Variants in UBXN11 observed in about 807,000 individuals in gnomAD.
The protein encoded by UBXN11 is UBX domain-containing protein 11.
Under a neutral mutation model 62.8 loss-of-function variants are expected in UBXN11, and 47 were observed. The ratio of observed to expected loss-of-function variants is 0.75; its 90% CI spans 0.59 to 0.95. The LOEUF (loss-of-function observed/expected upper bound fraction) is 0.95. UBXN11 is among the 40% of genes least tolerant of loss of function. UBXN11 has a pLI of 0.00. For synonymous variants in UBXN11, 294 were observed against 267.0 expected, an observed-to-expected ratio of 1.10 and a Z score of -0.99; for missense variants, 638 against 661.7, an observed-to-expected ratio of 0.96 and a Z score of 0.39.
At position 26,297,227 on chromosome 1, in the gene UBXN11, C is replaced by G. The variant is rs374862897; in HGVS notation, c.355+200G>C. Among the ~76,000 whole-genome samples the G allele has an allele frequency of 4.6e-5, 7 of 152,288 alleles. No individual in the cohort carries two copies. The East Asian group carries it at 1.4e-3, about 29-fold the overall frequency. ...CTCCACACTTCAGATGGGACTCGGT[C>G]CCATGTAGGAGGGCATGGAGTGACT... On this transcript the variant is annotated intron_variant, in intron 6 of 14. Coordinates refer to ENST00000374222, the MANE Select transcript of UBXN11 (RefSeq NM_001389556.1).
In UBXN11 at chr1:26,294,374, C is replaced by A. The variant is rs199992442; in HGVS notation, c.433-43G>T. 115 of 1,604,252 alleles carry A rather than the reference C, an allele frequency of 7.2e-5. No individual in the cohort carries two copies. The African/African-American group carries it at 1.3e-3, about 19-fold the overall frequency. The stretch of plus-strand genomic sequence containing the variant: ...GAGATGCGGGGCACCGTCAGCTCAG[C>A]CCCTTCCCAGGGAAAGGCAGTGTCA... On this transcript the variant is annotated intron_variant, in intron 7 of 14. Transcript: ENST00000374222.
chr1:26,313,782 C>CTTT (rs56037016), intron 1 of UBXN11, among the ~76,000 whole-genome samples: 17,707 of 125,642 alleles, frequency 0.14, 1,345 homozygotes, highest in Non-Finnish European at 0.19. Context: ...AATTTTTTTT[C>CTTT]TTTTTTTTTT....
At chr1:26,311,273 C>T (rs767905709), upstream of UBXN11, among the ~76,000 whole-genome samples, 20 of 148,910 alleles carry the variant, frequency 1.3e-4, no homozygotes, top group Admixed American at 6.0e-4. Context: ...CGAGTAGCTG[C>T]GATTACAGGT....
At position 26,294,187 on chromosome 1, in the gene UBXN11, G is replaced by A. The variant is rs189255410; in HGVS notation, c.559+18C>T. 750 of 1,613,344 alleles carry A rather than the reference G, an allele frequency of 4.6e-4. 6 individuals are homozygous for A. The African/African-American group carries it at 7.4e-3, about 16-fold the overall frequency. ...GAATTCCTTTTGAAGAGGGCCTGGG[G>A]CAGACGCCCTGCTCTACCTGGCTTC... On this transcript the variant is annotated intron_variant, in intron 8 of 14. Transcript: ENST00000374222.
chr1:26,283,235 C>T (rs1371781865), intron 12 of UBXN11, among the ~76,000 whole-genome samples: 1 of 152,048 alleles, frequency 6.6e-6, no homozygotes, highest in Non-Finnish European at 1.5e-5. Flanking sequence ...GAAGGCTTCC[C>T]TCGGAAAATG....
At chr1:26,311,080 C>T (rs1429090844), upstream of UBXN11, among the ~76,000 whole-genome samples, 3 of 151,860 alleles carry the variant, frequency 2.0e-5, no homozygotes, top group Non-Finnish European at 4.4e-5. Flanking sequence ...CTGTTTCCCA[C>T]CTGCAGGGTG....
intron 8 of UBXN11, among the ~76,000 whole-genome samples, chr1:26,293,130 G>A (rs1557684169): frequency 6.6e-6 from 1 of 152,220 alleles, no homozygotes; most frequent in Non-Finnish European, 1.5e-5. Flanking sequence ...CAAGGCCAGA[G>A]CTAGGCGCTC....
chr1:26,292,054 A>C (rs1570101713), intron 8 of UBXN11, among the ~76,000 whole-genome samples: 1 of 151,854 alleles, frequency 6.6e-6, no homozygotes, highest in South Asian at 2.1e-4. Flanking sequence ...CACCATCCCC[A>C]CCCTCAAGCT....
chr1:26,302,839 G>A lies in UBXN11; in HGVS notation c.45C>T (p.Pro15=), dbSNP rs1321083924. 1.9e-6 allele frequency: 3 copies of A among 1,613,900 alleles called. No individual in the cohort carries two copies. The highest frequency in any genetic ancestry group is 1.7e-5 in the Admixed American group (1 of 60,006). The change falls in exon 2 of 15, where the codon CCC becomes CCT. Residue 15 remains proline, a synonymous_variant. Transcript: ENST00000374222. The part of the protein sequence containing the change: ...LASLSKTRKV[P]LPSEPMNPGR... The stretch of plus-strand genomic sequence containing the variant: ...CAGGATTCATAGGCTCCGAGGGCAG[G>A]GGCACTTTTCGGGTCTTGCTAAGGG...
Position 26,298,743 on chromosome 1 carries a change from C to T in UBXN11, c.200-681G>A, listed in dbSNP as rs940659955. ...AGTGAGCCAAGATCGCACCACTGCA[C>T]TCCAGCCTGGGTAACAGAGTGAGGG... On this transcript the variant is annotated intron_variant, in intron 4 of 14. Transcript: ENST00000374222. Among the ~76,000 whole-genome samples the T allele has an allele frequency of 2.1e-5, 3 of 144,480 alleles. No homozygotes were observed. The East Asian group carries it at 6.1e-4, about 29-fold the overall frequency. The allele number at this position is 144,480 out of a possible 152,430, so 94.8% of individuals were successfully genotyped here.
chr1:26,314,032 G>A (rs148722120), intron 1 of UBXN11, among the ~76,000 whole-genome samples: 168 of 152,032 alleles, frequency 1.1e-3, no homozygotes, highest in African/African-American at 3.4e-3. Flanking sequence ...GACTCGCCTC[G>A]GCCTCTCAAA....
At position 26,306,572 on chromosome 1, in the gene UBXN11, A is replaced by G. The variant is rs2073673562; in HGVS notation, c.-36+20T>C. 6.6e-6 allele frequency: 1 copy of G among 152,186 alleles called. No individual in the cohort carries two copies. Among genetic ancestry groups the G allele is most frequent in the Admixed American group, 6.5e-5 (1 of 15,282 alleles). 9.4% of individuals were successfully genotyped at this position (152,186 alleles called of 1,614,324 possible). A position where few individuals can be genotyped will look rare whatever the true frequency, so the allele number is the denominator to read the frequency against. On this transcript the variant is annotated intron_variant, in intron 1 of 14. Transcript: ENST00000374222. Reference sequence around the variant, plus strand: ...CTGCGTGGGGACTCCAGGGGCAGAAAGGTCTTAAGCCAGACTCACCACGCA... The same window carrying G: ...CTGCGTGGGGACTCCAGGGGCAGAAGGGTCTTAAGCCAGACTCACCACGCA...
At chr1:26,314,019 A>G (rs1434086394) in intron 1 of UBXN11, among the ~76,000 whole-genome samples, 1 of 151,970 alleles carries the variant, frequency 6.6e-6, no homozygotes, top group Non-Finnish European at 1.5e-5. Flanking sequence ...TGACCTTGTG[A>G]TCGACTCGCC....
upstream of UBXN11, among the ~76,000 whole-genome samples, chr1:26,311,140 C>CT (rs58696772): frequency 0.31 from 42,058 of 136,006 alleles, 6,716 homozygotes; most frequent in African/African-American, 0.36. Context: ...AGTCTCTATT[C>CT]TTTTTTTTTT....
upstream of UBXN11, among the ~76,000 whole-genome samples, chr1:26,310,706 C>A (rs2073732875): frequency 7.7e-6 from 1 of 130,592 alleles, no homozygotes; most frequent in African/African-American, 2.9e-5. Context: ...CCAGCCTGGG[C>A]GACAGTGCCA....
At chr1:26,284,089 G>C in intron 12 of UBXN11, 53 bp downstream of exon 12, 1 of 1,522,638 alleles carries the variant, frequency 6.6e-7, no homozygotes, top group Non-Finnish European at 8.9e-7. Context: ...GCTGGACCAG[G>C]GCTGGTGCTA....
At chr1:26,301,931 GAGA>G (rs534993307) in intron 2 of UBXN11, among the ~76,000 whole-genome samples, 63 of 152,266 alleles carry the variant, frequency 4.1e-4, no homozygotes, top group Admixed American at 6.5e-4. Flanking sequence ...TCACCCAGTG[GAGA>G]AGGATGGGGA....
chr1:26,295,062 T>G (rs112539682), intron 7 of UBXN11, among the ~76,000 whole-genome samples: 24 of 152,274 alleles, frequency 1.6e-4, no homozygotes, highest in African/African-American at 5.3e-4. Context: ...CAAGTTTGTA[T>G]TTATGCAGAT....
intron 4 of UBXN11, among the ~76,000 whole-genome samples, chr1:26,298,898 C>A (rs1200999053): frequency 6.6e-6 from 1 of 151,834 alleles, no homozygotes; most frequent in Non-Finnish European, 1.5e-5. Flanking sequence ...GAAGCAGGAA[C>A]CGCGGCCATC....
Sources: gnomAD v4.1 joint callset for allele counts (sites outside exome capture counted in the v4.1 genomes callset) on GRCh38, gnomAD v4.1.1 for gene constraint, MANE v1.5 for transcripts, NCBI Gene and HGNC (gene_info 2026-07-23, HGNC 2026-07-21) for gene names.